The following SDC2 variants were observed in gnomAD, a reference collection of about 807,000 sequenced individuals.
The protein encoded by SDC2 is syndecan 2, also known as syndecan-2.
SDC2 carries 13 observed loss-of-function variants against 22.2 expected under a neutral mutation model. That is an observed-to-expected ratio of 0.59 (90% CI 0.38 to 0.93). The LOEUF is 0.93. Ranked by LOEUF, SDC2 falls within the 40% of genes least tolerant of loss-of-function variation. The pLI, the probability that SDC2 is intolerant of heterozygous loss-of-function variation, is 0.00. For synonymous variants in SDC2, 94 were observed against 92.8 expected (o/e 1.01, Z -0.07); for missense variants, 235 against 246.8 (o/e 0.95, Z 0.32).
Position 96,494,287 on chromosome 8 carries a change from A to C in SDC2, c.16A>C (p.Ile6Leu). 1 of 1,547,166 alleles carries C rather than the reference A, an allele frequency of 6.5e-7. No homozygotes were observed. Among genetic ancestry groups the C allele is most frequent in the Non-Finnish European group, 8.7e-7 (1 of 1,149,768 alleles). MRRAW[I>L]LLTLGLVACV... Reference sequence around the variant, plus strand: ...CCTGGGGAATATGCGGCGCGCGTGGATCCTGCTCACCTTGGGCTTGGTGGC... The same window carrying C: ...CCTGGGGAATATGCGGCGCGCGTGGCTCCTGCTCACCTTGGGCTTGGTGGC... Residue 6 changes from isoleucine (I) to leucine (L), a missense_variant, in exon 1 of 5, where the codon ATC becomes CTC. By Grantham distance (5) the Ile-to-Leu change is conservative. Coordinates refer to ENST00000302190, the MANE Select transcript of SDC2 (RefSeq NM_002998.4).
At chr8:96,561,281 G>C (rs1459559180) in intron 1 of SDC2, among the ~76,000 whole-genome samples, 17 of 152,138 alleles carry the variant, frequency 1.1e-4, no homozygotes, top group Admixed American at 9.8e-4. Flanking sequence ...CTCAGTATAT[G>C]CTTGCTCAAG....
At chr8:96,566,128 T>C (rs1391833299) in intron 1 of SDC2, among the ~76,000 whole-genome samples, 1 of 152,252 alleles carries the variant, frequency 6.6e-6, no homozygotes, top group African/African-American at 2.4e-5. Flanking sequence ...CTGTCATAGA[T>C]GTAAAGCAGC....
intron 3 of SDC2, among the ~76,000 whole-genome samples, chr8:96,607,307 G>A (rs567146492): frequency 6.8e-4 from 103 of 152,308 alleles, no homozygotes; most frequent in Non-Finnish European, 1.2e-3. Context: ...ATGCGGGATG[G>A]GAGCTGGGCT....
At chr8:96,507,973 C>G (rs1267842682) in intron 1 of SDC2, among the ~76,000 whole-genome samples, 1 of 151,676 alleles carries the variant, frequency 6.6e-6, no homozygotes, top group African/African-American at 2.4e-5. Flanking sequence ...ACCAGCCTGG[C>G]CAACATGGTG....
At chr8:96,586,238 C>A (rs1269174202) in intron 1 of SDC2, 2 of 152,198 alleles carry the variant, frequency 1.3e-5, no homozygotes, top group African/African-American at 2.4e-5. Flanking sequence ...GAACATTGAT[C>A]TGTTTTTCTC....
chr8:96,527,195 C>T (rs1054763339), intron 1 of SDC2, among the ~76,000 whole-genome samples: 3 of 152,168 alleles, frequency 2.0e-5, no homozygotes, highest in South Asian at 2.1e-4. Flanking sequence ...GAAGAGAGAC[C>T]GTGCTTAGGG....
At chr8:96,602,338 A>G in intron 2 of SDC2, 57 bp from the exon 3 acceptor site, 8 of 1,572,604 alleles carry the variant, frequency 5.1e-6, no homozygotes, top group Non-Finnish European at 6.9e-6. Flanking sequence ...GTGCCTGATA[A>G]TGGAGACATC....
chr8:96,498,965 T>C (rs1235661926), intron 1 of SDC2, among the ~76,000 whole-genome samples: 1 of 152,216 alleles, frequency 6.6e-6, no homozygotes, highest in Non-Finnish European at 1.5e-5. Flanking sequence ...TCCACCACTT[T>C]GATCATGTTG....
chr8:96,593,287 T>G (rs1028365654), intron 1 of SDC2, among the ~76,000 whole-genome samples, 193 bp from the exon 2 acceptor site: 1 of 152,022 alleles, frequency 6.6e-6, no homozygotes, highest in Non-Finnish European at 1.5e-5. Context: ...TTGCAGGTTA[T>G]TAGTCCGTGC....
chr8:96,513,649 A>G (rs1022014578), intron 1 of SDC2, among the ~76,000 whole-genome samples: 4 of 152,230 alleles, frequency 2.6e-5, no homozygotes, highest in Non-Finnish European at 5.9e-5. Context: ...TGGTAGTATC[A>G]TCATCTAATA....
chr8:96,557,609 A>G (rs1183606781), intron 1 of SDC2, among the ~76,000 whole-genome samples: 2 of 129,504 alleles, frequency 1.5e-5, no homozygotes, highest in Admixed American at 8.6e-5. Context: ...GGAATATCAC[A>G]CTCTGGGGAC....
chr8:96,583,347 ATATAT>A (rs1025017224), intron 1 of SDC2, among the ~76,000 whole-genome samples: 5 of 143,892 alleles, frequency 3.5e-5, no homozygotes, highest in African/African-American at 5.1e-5. Flanking sequence ...CATATAAAAT[ATATAT>A]TATATATATT....
At chr8:96,547,632 G>C (rs1033299751) in intron 1 of SDC2, among the ~76,000 whole-genome samples, 23 of 152,290 alleles carry the variant, frequency 1.5e-4, no homozygotes, top group African/African-American at 5.5e-4. Context: ...TTTGCCTGCT[G>C]ATATAGGATA....
chr8:96,532,412 G>GGTT (rs1813676500), intron 1 of SDC2, among the ~76,000 whole-genome samples: 1 of 47,944 alleles, frequency 2.1e-5, no homozygotes, highest in African/African-American at 1.0e-4. Context: ...TTATTGAGGC[G>GGTT]TTTTTTTTTT....
intron 3 of SDC2, among the ~76,000 whole-genome samples, chr8:96,606,992 C>T (rs1260526154): frequency 6.6e-6 from 1 of 152,146 alleles, no homozygotes; most frequent in African/African-American, 2.4e-5. Flanking sequence ...CACCTGAGCT[C>T]CGCCTCCTGT....
Position 96,611,054 on chromosome 8 carries a change from C to T in SDC2, c.*1506C>T, listed in dbSNP as rs1371146435. The T allele has an allele frequency of 2.6e-5, 4 of 152,620 alleles. No homozygotes were observed. The highest frequency in any genetic ancestry group is 5.9e-5 in the Non-Finnish European group (4 of 68,058). 9.5% of individuals were successfully genotyped at this position (152,620 alleles called of 1,614,324 possible). A position where few individuals can be genotyped will look rare whatever the true frequency, so the allele number is the denominator to read the frequency against. On this transcript the variant is annotated 3_prime_UTR_variant, in exon 5 of 5. Transcript: ENST00000302190. ...AGATTGATTTACCTTTGGAATTGTG[C>T]TCCAAATGTCTACTGAAGCTTAACC...
At chr8:96,549,266 G>A (rs985310893) in intron 1 of SDC2, among the ~76,000 whole-genome samples, 2 of 152,112 alleles carry the variant, frequency 1.3e-5, no homozygotes, top group Non-Finnish European at 2.9e-5. Flanking sequence ...AGAGGCCTTG[G>A]CTTAGATAAA....
chr8:96,601,258 T>C (rs1814977690), intron 2 of SDC2, among the ~76,000 whole-genome samples: 2 of 151,932 alleles, frequency 1.3e-5, no homozygotes, highest in Admixed American at 1.3e-4. Context: ...ACAGGGAAAA[T>C]GCTCCTGGAG....
chr8:96,604,183 C>G (rs1429391778), intron 3 of SDC2, among the ~76,000 whole-genome samples: 1 of 152,142 alleles, frequency 6.6e-6, no homozygotes, highest in Non-Finnish European at 1.5e-5. Context: ...ATAGAGAGTT[C>G]TATCCTAAGC....
Sources: allele counts gnomAD v4.1 joint callset (sites outside exome capture counted in the v4.1 genomes callset), GRCh38; gene constraint gnomAD v4.1.1; transcripts MANE v1.5; gene names NCBI Gene and HGNC (gene_info 2026-07-23, HGNC 2026-07-21).